Variants in WDR5 observed in about 807,000 individuals in gnomAD.
WDR5 encodes the protein WD repeat domain 5, also known as WD repeat-containing protein 5.
For synonymous variants in WDR5, 144 were observed against 161.6 expected (o/e 0.89, Z 0.83); for missense variants, 187 against 416.9 (o/e 0.45, Z 4.80).
At chr9:134,141,919 A>G in intron 4 of WDR5, 30 bp from the exon 5 acceptor site, 1 of 1,605,892 alleles carries the variant, frequency 6.2e-7, no homozygotes, top group Non-Finnish European at 8.5e-7. Flanking sequence ...TTGTCCTGTC[A>G]AGTTACTGAC....
At chr9:134,148,481 C>A in intron 8 of WDR5, 138 bp downstream of exon 8, 1 of 733,160 alleles carries the variant, frequency 1.4e-6, no homozygotes, top group Non-Finnish European at 2.2e-6. Flanking sequence ...TCTGGCCACG[C>A]TGCAGACATG....
intron 7 of WDR5, 100 bp downstream of exon 7, chr9:134,142,819 G>C (rs1231821218): frequency 3.1e-5 from 38 of 1,242,512 alleles, no homozygotes; most frequent in Non-Finnish European, 4.2e-5. Flanking sequence ...CCTGGCCATG[G>C]CCTGTGCCTA....
At chr9:134,137,773 C>G (rs554216230) in intron 1 of WDR5, among the ~76,000 whole-genome samples, 14 of 152,246 alleles carry the variant, frequency 9.2e-5, no homozygotes, top group East Asian at 7.7e-4. Flanking sequence ...CGCCACCCCC[C>G]GACGGAGTTT....
chr9:134,138,713 C>T (rs1831715604), intron 1 of WDR5, among the ~76,000 whole-genome samples: 1 of 152,202 alleles, frequency 6.6e-6, no homozygotes, highest in Non-Finnish European at 1.5e-5. Flanking sequence ...TCTCTGCCTT[C>T]CTCTTGGATG....
Position 134,140,011 on chromosome 9 carries a change from A to C in WDR5, c.81+53A>C. 10 of 1,595,732 alleles carry C rather than the reference A, an allele frequency of 6.3e-6. No homozygotes were observed. The South Asian group carries it at 9.9e-5, about 16-fold the overall frequency. On this transcript the variant is annotated intron_variant, in intron 2 of 13. Coordinates refer to ENST00000358625, the MANE Select transcript of WDR5 (RefSeq NM_017588.3). ...CTTCCGGGGGCAAATACGCTTAGAG[A>C]GTCTCGGAAACATCTCAAGCTCATA...
chr9:134,136,555 C>T (rs1831569931), intron 1 of WDR5, among the ~76,000 whole-genome samples: 1 of 152,174 alleles, frequency 6.6e-6, no homozygotes, highest in South Asian at 2.1e-4. Flanking sequence ...CAGGGAAGGA[C>T]CCCAGACCCA....
chr9:134,138,689 T>C (rs915761301), intron 1 of WDR5, among the ~76,000 whole-genome samples: 4 of 152,156 alleles, frequency 2.6e-5, no homozygotes, highest in African/African-American at 9.7e-5. Flanking sequence ...CTCTGCAAAG[T>C]GGGTGTTGTA....
chr9:134,148,757 C>T (rs1455045257), intron 8 of WDR5, among the ~76,000 whole-genome samples: 1 of 152,066 alleles, frequency 6.6e-6, no homozygotes, highest in Non-Finnish European at 1.5e-5. Flanking sequence ...GGCAGGTGAA[C>T]CCAAGCAGAT....
chr9:134,144,328 C>A (rs777019661), intron 7 of WDR5, among the ~76,000 whole-genome samples: 34 of 152,302 alleles, frequency 2.2e-4, no homozygotes, highest in Non-Finnish European at 3.2e-4. Flanking sequence ...TCCAGGACAC[C>A]TTGGGTCATA....
chr9:134,148,950 G>A (rs1351303129), intron 8 of WDR5, among the ~76,000 whole-genome samples: 1 of 152,132 alleles, frequency 6.6e-6, no homozygotes, highest in East Asian at 1.9e-4. Context: ...GCGAGTTGGG[G>A]GAGTGGAGTG....
rs1013743929 is a variant in WDR5 at position 134,158,308 on chromosome 9, T to C, written c.*315T>C. 4.5e-6 allele frequency: 1 copy of C among 223,296 alleles called. No individual in the cohort carries two copies. The highest frequency in any genetic ancestry group is 2.3e-5 in the African/African-American group (1 of 43,530). 13.8% of individuals were successfully genotyped at this position (223,296 alleles called of 1,614,324 possible). ...GGGTGAAGTTCAATTTAACATGCGT[T>C]GTGTTTTTTCAGTAAACGTTCTGTA... On this transcript the variant is annotated 3_prime_UTR_variant, in exon 14 of 14. Coordinates refer to ENST00000358625, the MANE Select transcript of WDR5 (RefSeq NM_017588.3).
intron 8 of WDR5, among the ~76,000 whole-genome samples, chr9:134,150,365 G>A (rs983382096): frequency 1.3e-5 from 2 of 152,176 alleles, no homozygotes; most frequent in Non-Finnish European, 2.9e-5. Flanking sequence ...ATTAGTAGGG[G>A]TCAAAAAGGC....
chr9:134,147,364 G>GTCTCTGCCATAGTAGC (rs1267041661), intron 7 of WDR5, among the ~76,000 whole-genome samples: 5 of 152,186 alleles, frequency 3.3e-5, no homozygotes, highest in Non-Finnish European at 5.9e-5. Context: ...GGGCCTAGCA[G>GTCTCTGCCATAGTAGC]TCTCTGCCAT....
intron 7 of WDR5, among the ~76,000 whole-genome samples, chr9:134,144,047 TGGC>T (rs1252827435): frequency 3.9e-5 from 6 of 152,236 alleles, no homozygotes. Flanking sequence ...TGTGCCATCT[TGGC>T]GGTGAATGGG....
chr9:134,136,296 C>A (rs538343203), intron 1 of WDR5, 96 bp downstream of exon 1: 31 of 149,756 alleles, frequency 2.1e-4, no homozygotes, highest in Non-Finnish European at 1.5e-5. Flanking sequence ...ACGTGTTCCC[C>A]GCCGGGCCTC....
chr9:134,141,856 C>T, intron 4 of WDR5, 93 bp from the exon 5 acceptor site: 4 of 1,282,838 alleles, frequency 3.1e-6, no homozygotes, highest in South Asian at 1.3e-5. Context: ...GAGAAGATTT[C>T]CTGAGGGCAA....
At chr9:134,137,393 C>G (rs902495636) in intron 1 of WDR5, among the ~76,000 whole-genome samples, 1 of 152,048 alleles carries the variant, frequency 6.6e-6, no homozygotes, top group Non-Finnish European at 1.5e-5. Flanking sequence ...ATGAAAATGC[C>G]AAGCCTTGGC....
rs117526281 is a variant in WDR5, at chr9:134,149,524, C to G, written c.584+1181C>G. ...GTGCACAGGGTGAGCTATGGGCGAG[C>G]GTGGAGCTGCCAGGGCCTCTCTGGT... On this transcript the variant is annotated intron_variant, in intron 8 of 13. Coordinates refer to ENST00000358625, the MANE Select transcript of WDR5 (RefSeq NM_017588.3). Among the ~76,000 whole-genome samples, 113 of 152,300 alleles carry G rather than the reference C, an allele frequency of 7.4e-4. No homozygotes were observed. The East Asian group carries it at 0.02, about 27-fold the overall frequency.
chr9:134,152,986 A>G (rs1353341968), intron 9 of WDR5, among the ~76,000 whole-genome samples: 3 of 152,128 alleles, frequency 2.0e-5, no homozygotes, highest in Non-Finnish European at 4.4e-5. Flanking sequence ...CCCTCTTTGA[A>G]GGCCCTGTCT....
Sources: gnomAD v4.1 joint callset for allele counts (sites outside exome capture counted in the v4.1 genomes callset) on GRCh38, gnomAD v4.1.1 for gene constraint, MANE v1.5 for transcripts, NCBI Gene and HGNC (gene_info 2026-07-23, HGNC 2026-07-21) for gene names.